KCNJ5: variants seen among roughly 807,000 people sequenced by gnomAD.
KCNJ5 encodes the protein potassium inwardly rectifying channel subfamily J member 5, also known as G protein-activated inward rectifier potassium channel 4.
Under a neutral mutation model 20.2 loss-of-function variants are expected in KCNJ5, and 12 were observed. The observed-to-expected ratio is 0.59, with a 90% CI of 0.38 to 0.96. KCNJ5 has a LOEUF of 0.96. KCNJ5 is among the 40% of genes least tolerant of loss of function. The pLI, the probability that KCNJ5 is intolerant of heterozygous loss-of-function variation, is 0.00. For missense variants in KCNJ5, 449 were observed against 557.6 expected (o/e 0.81, Z 1.96); for synonymous variants, 210 against 213.9 (o/e 0.98, Z 0.16).
At chr11:128,914,978 A>G (rs1775876773) in intron 2 of KCNJ5, among the ~76,000 whole-genome samples, 1 of 152,246 alleles carries the variant, frequency 6.6e-6, no homozygotes, top group South Asian at 2.1e-4. Context: ...GGCCCGGCCC[A>G]GGCAGGCATC....
chr11:128,898,413 C>T (rs1944210038), intron 1 of KCNJ5, among the ~76,000 whole-genome samples: 1 of 152,238 alleles, frequency 6.6e-6, no homozygotes, highest in Non-Finnish European at 1.5e-5. Flanking sequence ...TTCAGACCTT[C>T]AGTTCTCTTT....
At chr11:128,901,011 A>G (rs1944266744) in intron 1 of KCNJ5, 1 of 152,256 alleles carries the variant, frequency 6.6e-6, no homozygotes, top group Non-Finnish European at 1.5e-5. Context: ...TGTCATGAAC[A>G]TTAGGATTTC....
At chr11:128,909,879 G>A (rs1944473001) in intron 1 of KCNJ5, 1 of 152,224 alleles carries the variant, frequency 6.6e-6, no homozygotes, top group Admixed American at 6.5e-5. Flanking sequence ...ACTTTCTGAA[G>A]GGAGCAGGTC....
intron 2 of KCNJ5, 147 bp from the exon 3 acceptor site, chr11:128,916,262 A>ATGGATGGT (rs1944580199): frequency 1.5e-6 from 1 of 680,986 alleles, no homozygotes; most frequent in Admixed American, 2.1e-5. Flanking sequence ...GGATGGATGG[A>ATGGATGGT]TGGATGGATG....
Position 128,902,815 on chromosome 11 carries a change from T to C in KCNJ5, c.-10-8449T>C, listed in dbSNP as rs76026670. Reference sequence around the variant, plus strand: ...CTCACAACGCAGCCCAACATGTCCATGGGCAGAAAAGGCCTCTCTCCGACT... The same window carrying C: ...CTCACAACGCAGCCCAACATGTCCACGGGCAGAAAAGGCCTCTCTCCGACT... On this transcript the variant is annotated intron_variant, in intron 1 of 2. Coordinates refer to ENST00000529694, the MANE Select transcript of KCNJ5 (RefSeq NM_000890.5). The C allele has an allele frequency of 2.9e-3, 3,949 of 1,367,714 alleles. 97 individuals carry two copies. The African/African-American group carries it at 0.05, about 17-fold the overall frequency. 84.7% of individuals were successfully genotyped at this position (1,367,714 alleles called of 1,614,324 possible). A position where few individuals can be genotyped will look rare whatever the true frequency, so the allele number is the denominator to read the frequency against.
At chr11:128,903,563 T>C (rs1211121611) in intron 1 of KCNJ5, 3 of 1,595,814 alleles carry the variant, frequency 1.9e-6, no homozygotes, top group Admixed American at 3.3e-5. Context: ...AATCAGTGGC[T>C]GCTAGTTAGT....
chr11:128,900,320 C>G (rs965940879), intron 1 of KCNJ5: 1 of 152,180 alleles, frequency 6.6e-6, no homozygotes, highest in African/African-American at 2.4e-5. Flanking sequence ...TCTCTCTCTG[C>G]CTTTTTGTGT....
Position 128,916,771 on chromosome 11 carries a change from G to A in KCNJ5, c.*40G>A. 1 of 1,462,010 alleles carries A rather than the reference G, an allele frequency of 6.8e-7. No individual in the cohort carries two copies. Among genetic ancestry groups the A allele is most frequent in the South Asian group, 1.2e-5 (1 of 82,456 alleles). 90.6% of individuals were successfully genotyped at this position (1,462,010 alleles called of 1,614,324 possible). ...CTAAGACCTCCTGTCACTGGCTTCA[G>A]TGAACACAGACACTGCAGAGCCTGG... On this transcript the variant is annotated 3_prime_UTR_variant, in exon 3 of 3. Coordinates refer to ENST00000529694, the MANE Select transcript of KCNJ5 (RefSeq NM_000890.5).
intron 2 of KCNJ5, 122 bp from the exon 3 acceptor site, chr11:128,916,287 T>TGGATGGATG: frequency 1.3e-6 from 1 of 759,980 alleles, no homozygotes; most frequent in African/African-American, 1.9e-5. Context: ...GATGAACAGA[T>TGGATGGATG]GACTGGATGG....
At chr11:128,916,210 A>ATGGT in intron 2 of KCNJ5, among the ~76,000 whole-genome samples, 199 bp from the exon 3 acceptor site, 1 of 138,550 alleles carries the variant, frequency 7.2e-6, no homozygotes, top group African/African-American at 2.8e-5. Flanking sequence ...GGATGGATGG[A>ATGGT]TGGATGGATG....
intron 1 of KCNJ5, among the ~76,000 whole-genome samples, chr11:128,897,440 C>T (rs188186945): frequency 2.0e-3 from 307 of 152,242 alleles, no homozygotes; most frequent in African/African-American, 6.3e-3. Flanking sequence ...CCCATATATC[C>T]TCCTTAGCAA....
intron 1 of KCNJ5, among the ~76,000 whole-genome samples, chr11:128,895,391 C>G (rs12226017): frequency 0.025 from 3,768 of 149,832 alleles, 124 homozygotes; most frequent in East Asian, 0.11. Flanking sequence ...CACCCCCCCC[C>G]CAACCCCAGG....
At position 128,911,429 on chromosome 11, in the gene KCNJ5, C is replaced by A; in HGVS notation, c.156C>A (p.Arg52=). ...LLAEGKKPRQ[R]YMEKSGKCNV... is the part of the protein sequence containing the mutation. ...CCGAGGGCAAGAAGCCACGCCAGCG[C>A]TACATGGAGAAGAGTGGCAAGTGCA... The change falls in exon 2 of 3, where the codon CGC becomes CGA. Residue 52 remains arginine (R), a synonymous_variant. Coordinates refer to ENST00000529694, the MANE Select transcript of KCNJ5 (RefSeq NM_000890.5). This position sits in a 1 kb window ranked among gnomAD's most constrained non-coding sequence, Gnocchi z 6.3. The A allele has an allele frequency of 6.2e-7, 1 of 1,614,232 alleles. No homozygotes were observed. The highest frequency in any genetic ancestry group is 8.5e-7 in the Non-Finnish European group (1 of 1,180,046).
intron 1 of KCNJ5, among the ~76,000 whole-genome samples, chr11:128,895,745 A>T (rs1190744499): frequency 6.6e-6 from 1 of 152,242 alleles, no homozygotes; most frequent in Non-Finnish European, 1.5e-5. Context: ...GAGCTGCTGG[A>T]GAGACTCCAG....
chr11:128,915,790 ATTGG>A (rs1944567340), intron 2 of KCNJ5, among the ~76,000 whole-genome samples: 1 of 143,358 alleles, frequency 7.0e-6, no homozygotes, highest in Admixed American at 7.2e-5. Context: ...TGTATGGATA[ATTGG>A]ATGGATGGAT....
Position 128,918,406 on chromosome 11 carries a change from G to A in KCNJ5, c.*1675G>A. 6.6e-6 allele frequency: 1 copy of A among 152,484 alleles called. No individual in the cohort carries two copies. Among genetic ancestry groups the A allele is most frequent in the Non-Finnish European group, 1.5e-5 (1 of 68,134 alleles). 9.4% of individuals were successfully genotyped at this position (152,484 alleles called of 1,614,324 possible). A position where few individuals can be genotyped will look rare whatever the true frequency, so the allele number is the denominator to read the frequency against. On this transcript the variant is annotated 3_prime_UTR_variant, in exon 3 of 3. Transcript: ENST00000529694. ...GCTTTTCTGATCTGGAGGCCCAAGA[G>A]CAAGGGTGGAGGGGGGCAGATTGTC...
At chr11:128,896,609 T>TGC (rs1944181073) in intron 1 of KCNJ5, among the ~76,000 whole-genome samples, 1 of 145,854 alleles carries the variant, frequency 6.9e-6, no homozygotes, top group Admixed American at 6.8e-5. Flanking sequence ...TTGTTGGGGG[T>TGC]GTGTGTGTGT....
At position 128,911,988 on chromosome 11, in the gene KCNJ5, A is replaced by T; in HGVS notation, c.715A>T (p.Ile239Phe). 6.2e-7 allele frequency: 1 copy of T among 1,605,292 alleles called. No homozygotes were observed. Among genetic ancestry groups the T allele is most frequent in the East Asian group, 2.2e-5 (1 of 44,728 alleles). The part of the protein sequence containing the change: ...IVEASIRAKL[I>F]KSRQTKEGEF... ...GGAGGCCTCCATCCGGGCCAAGCTC[A>T]TCAAGTCCCGGCAGACCAAAGAGGG... is the stretch of plus-strand genomic sequence containing the variant. The change falls in exon 2 of 3, where the codon ATC (isoleucine) becomes TTC (phenylalanine). Residue 239 changes from isoleucine (I) to phenylalanine (F), a missense_variant. Ile to Phe is a conservative substitution (Grantham distance 21, BLOSUM62 0). Coordinates refer to ENST00000529694, the MANE Select transcript of KCNJ5 (RefSeq NM_000890.5). This position sits in a 1 kb window ranked among gnomAD's most constrained non-coding sequence, Gnocchi z 6.3.
At chr11:128,894,897 C>G (rs547948239) in intron 1 of KCNJ5, among the ~76,000 whole-genome samples, 1 of 152,204 alleles carries the variant, frequency 6.6e-6, no homozygotes, top group South Asian at 2.1e-4. Context: ...AATGGTAGAG[C>G]CAAAGCTTTA....
Sources: allele counts gnomAD v4.1 joint callset (sites outside exome capture counted in the v4.1 genomes callset), GRCh38; gene constraint gnomAD v4.1.1; non-coding constraint Gnocchi (gnomAD v3.1); transcripts MANE v1.5; gene names NCBI Gene and HGNC (gene_info 2026-07-23, HGNC 2026-07-21).